Variants in THADA observed in about 807,000 individuals in gnomAD.
The protein encoded by THADA is tRNA (32-2'-O)-methyltransferase regulator THADA.
A neutral mutation model predicts 219.8 loss-of-function variants in THADA; 213 were observed. The ratio of observed to expected loss-of-function variants is 0.97; its 90% CI spans 0.87 to 1.09. The LOEUF is 1.09. THADA is among the 50% of genes least tolerant of loss of function. The probability of loss-of-function intolerance (pLI) is 0.00; values close to 1 mark genes in which losing one functional copy is unlikely to be tolerated. For synonymous variants in THADA, 1,018 were observed against 828.9 expected (o/e 1.23, Z -3.92); for missense variants, 2,956 against 2,311.3 (o/e 1.28, Z -5.72).
chr2:43,361,668 T>G (rs1669544003), intron 29 of THADA, among the ~76,000 whole-genome samples: 1 of 152,258 alleles, frequency 6.6e-6, no homozygotes, highest in Admixed American at 6.5e-5. Flanking sequence ...GTGGTGATTG[T>G]CCCAGAAACT....
chr2:43,354,096 C>G (rs11904452), intron 29 of THADA, among the ~76,000 whole-genome samples: 2,670 of 152,032 alleles, frequency 0.018, 37 homozygotes, highest in African/African-American at 0.043. Flanking sequence ...GGATTACAGG[C>G]GGGAGTGAGC....
intron 36 of THADA, among the ~76,000 whole-genome samples, chr2:43,234,942 G>T (rs189679294): frequency 6.6e-6 from 1 of 151,652 alleles, no homozygotes; most frequent in East Asian, 1.9e-4. Context: ...CAAAGTGCTG[G>T]GATTACAGGT....
At chr2:43,440,995 A>T (rs114999521) in intron 26 of THADA, among the ~76,000 whole-genome samples, 2,687 of 152,332 alleles carry the variant, frequency 0.018, 37 homozygotes, top group African/African-American at 0.043. Context: ...TAAAGAAGGT[A>T]CTTACTGAAA....
At chr2:43,366,492 A>T (rs1429088154) in intron 29 of THADA, among the ~76,000 whole-genome samples, 1 of 152,194 alleles carries the variant, frequency 6.6e-6, no homozygotes, top group African/African-American at 2.4e-5. Context: ...AAAAAAGCAG[A>T]ATATTTAACT....
intron 29 of THADA, among the ~76,000 whole-genome samples, chr2:43,373,865 A>C (rs1671076974): frequency 6.6e-6 from 1 of 152,234 alleles, no homozygotes; most frequent in African/African-American, 2.4e-5. Context: ...TGTATTGATC[A>C]CAACATCTTT....
intron 15 of THADA, chr2:43,566,044 C>T (rs957595733): frequency 5.7e-5 from 9 of 157,392 alleles, no homozygotes; most frequent in South Asian, 2.0e-4. Flanking sequence ...GCCGAGATCA[C>T]GCCACCACAC....
At chr2:43,279,730 C>T (rs771250215) in intron 36 of THADA, 35 bp downstream of exon 36, 17 of 1,537,398 alleles carry the variant, frequency 1.1e-5, no homozygotes, top group Non-Finnish European at 1.3e-5. Flanking sequence ...TATCCTGCAG[C>T]GATAAGACAA....
intron 36 of THADA, among the ~76,000 whole-genome samples, chr2:43,266,561 CCACTGCACTCCAGCCTGGGCGA>C (rs1340145134): frequency 1.3e-5 from 2 of 152,148 alleles, no homozygotes; most frequent in Non-Finnish European, 2.9e-5. Flanking sequence ...CAAGATAGCG[CCACTGCACTCCAGCCTGGGCGA>C]CAAAGTGAGA....
chr2:43,520,456 G>A (rs895590109), intron 22 of THADA, among the ~76,000 whole-genome samples: 6 of 152,114 alleles, frequency 3.9e-5, no homozygotes, highest in African/African-American at 1.4e-4. Flanking sequence ...GGGAAGCCAA[G>A]GCCGGAGGAT....
Position 43,465,026 on chromosome 2 carries a change from T to C in THADA, c.3836+20208A>G, listed in dbSNP as rs77455917. ...TGGTATATTTGGATGAAAAGAATCT[T>C]TTCCCTTAACATATTATAATTTCCT... is the stretch of plus-strand genomic sequence containing the variant. On this transcript the variant is annotated intron_variant, in intron 26 of 37. Transcript: ENST00000405975. 1.0e-2 allele frequency among the ~76,000 whole-genome samples: 1,522 copies of C among 152,238 alleles called. 27 individuals carry two copies. Among genetic ancestry groups the C allele is most frequent in the African/African-American group, 0.035 (1,457 of 41,526 alleles).
chr2:43,442,380 G>A (rs1680951881), intron 26 of THADA, among the ~76,000 whole-genome samples: 1 of 152,084 alleles, frequency 6.6e-6, no homozygotes, highest in Non-Finnish European at 1.5e-5. Flanking sequence ...AGGTTGCAGT[G>A]AGCCAAGATC....
intron 31 of THADA, among the ~76,000 whole-genome samples, chr2:43,302,408 T>C (rs1397590035): frequency 1.3e-5 from 2 of 152,136 alleles, no homozygotes; most frequent in Non-Finnish European, 2.9e-5. Context: ...CTCAAGTATG[T>C]GTGACTGATT....
chr2:43,273,831 T>C (rs1672413067), intron 36 of THADA, among the ~76,000 whole-genome samples: 1 of 152,184 alleles, frequency 6.6e-6, no homozygotes, highest in African/African-American at 2.4e-5. Flanking sequence ...TCGGGGCATA[T>C]GAGAAGTGTT....
At position 43,574,670 on chromosome 2, in the gene THADA, T is replaced by C; in HGVS notation, c.1395A>G (p.Ile465Met). 3 of 1,614,048 alleles carry C rather than the reference T, an allele frequency of 1.9e-6. No individual in the cohort carries two copies. Among genetic ancestry groups the C allele is most frequent in the Non-Finnish European group, 2.5e-6 (3 of 1,179,898 alleles). The change falls in exon 11 of 38, where the codon ATA becomes ATG. Residue 465 changes from isoleucine (I) to methionine (M), a missense_variant. Coordinates refer to ENST00000405975, the MANE Select transcript of THADA (RefSeq NM_022065.5). The part of the protein sequence containing the change: ...YTCLGCLVEC[I>M]GVEHILAIDK... ...CTATAGCCAAAATATGTTCAACTCCTATGCACTCTACCAAACAACCAAGGC... is the reference window on the plus strand; with the variant it reads ...CTATAGCCAAAATATGTTCAACTCCCATGCACTCTACCAAACAACCAAGGC...
intron 15 of THADA, chr2:43,563,484 T>A (rs1036436926): frequency 6.6e-6 from 1 of 152,206 alleles, no homozygotes; most frequent in Admixed American, 6.5e-5. Flanking sequence ...TGTATCTACA[T>A]AATGTACTAA....
At chr2:43,508,339 T>C (rs990866221) in intron 23 of THADA, among the ~76,000 whole-genome samples, 1 of 152,098 alleles carries the variant, frequency 6.6e-6, no homozygotes, top group Non-Finnish European at 1.5e-5. Context: ...TGGGGTAACA[T>C]GTGCACTTCC....
Position 43,308,313 on chromosome 2 carries a change from G to A in THADA, c.4438+12133C>T, listed in dbSNP as rs143400510. On this transcript the variant is annotated intron_variant, in intron 31 of 37. Transcript: ENST00000405975. ...TTAAAAAAAAAGAATGAGCATCAGC[G>A]ACATATGGGACAACTTCAAGTGACT... 3.0e-3 allele frequency among the ~76,000 whole-genome samples: 450 copies of A among 152,182 alleles called. 3 individuals carry two copies. Among genetic ancestry groups the A allele is most frequent in the African/African-American group, 0.01 (433 of 41,502 alleles).
intron 26 of THADA, among the ~76,000 whole-genome samples, chr2:43,464,741 T>C (rs1009582673): frequency 2.0e-5 from 3 of 152,128 alleles, no homozygotes; most frequent in East Asian, 1.9e-4. Flanking sequence ...AACACAGAAT[T>C]CTTATGAAAT....
intron 29 of THADA, among the ~76,000 whole-genome samples, chr2:43,353,132 C>G (rs1317717373): frequency 6.6e-6 from 1 of 152,156 alleles, no homozygotes; most frequent in Admixed American, 6.5e-5. Flanking sequence ...ATCTCAGTTT[C>G]TTTATTCATT....
Sources: allele counts gnomAD v4.1 joint callset (sites outside exome capture counted in the v4.1 genomes callset), GRCh38; gene constraint gnomAD v4.1.1; transcripts MANE v1.5; gene names NCBI Gene and HGNC (gene_info 2026-07-23, HGNC 2026-07-21).